Variants in PSPC1 observed in about 807,000 individuals in gnomAD.
PSPC1 encodes paraspeckle component 1.
In PSPC1, 14 loss-of-function variants were observed where a neutral mutation model predicts 51.6. The ratio of observed to expected loss-of-function variants is 0.27; its 90% confidence interval spans 0.18 to 0.42. The LOEUF (loss-of-function observed/expected upper bound fraction) is 0.42. Among genes scored for constraint, PSPC1 ranks in the 10% least tolerant of loss-of-function variants. The pLI, the probability that PSPC1 is intolerant of heterozygous loss-of-function variation, is 1.00. For missense variants in PSPC1, 406 were observed against 701.1 expected (o/e 0.58, Z 4.75); for synonymous variants, 193 against 231.9 (o/e 0.83, Z 1.53).
At chr13:19,760,065 TATTG>T (rs1887469224) in intron 2 of PSPC1, among the ~76,000 whole-genome samples, 1 of 152,142 alleles carries the variant, frequency 6.6e-6, no homozygotes, top group African/African-American at 2.4e-5. Context: ...CTGCTTCAGC[TATTG>T]ATTGATTTTT....
downstream of PSPC1, chr13:19,672,793 AAG>A (rs899886126): frequency 3.2e-5 from 8 of 252,976 alleles, no homozygotes; most frequent in South Asian, 3.1e-4. Flanking sequence ...TGAGACCTAA[AAG>A]AGAGTATTAA....
chr13:19,730,080 C>T (rs896679733), intron 6 of PSPC1, among the ~76,000 whole-genome samples, 159 bp downstream of exon 6: 2 of 152,048 alleles, frequency 1.3e-5, no homozygotes, highest in African/African-American at 4.8e-5. Flanking sequence ...TTTTACTTTA[C>T]CACCTATGAG....
chr13:19,746,506 CTTGAGGCCAGGAGT>C (rs2138082090), intron 4 of PSPC1, among the ~76,000 whole-genome samples: 1 of 152,196 alleles, frequency 6.6e-6, no homozygotes, highest in South Asian at 2.1e-4. Flanking sequence ...GGGCAGATCA[CTTGAGGCCAGGAGT>C]TTGAGGCCAG....
intron 4 of PSPC1, among the ~76,000 whole-genome samples, chr13:19,742,327 G>C (rs1885519976): frequency 6.6e-6 from 1 of 151,266 alleles, no homozygotes; most frequent in African/African-American, 2.4e-5. Context: ...AATTAAAATA[G>C]GTAGGCTGGC....
At chr13:19,736,450 G>A (rs922563514) in intron 5 of PSPC1, among the ~76,000 whole-genome samples, 38 of 152,126 alleles carry the variant, frequency 2.5e-4, no homozygotes, top group East Asian at 1.6e-3. Flanking sequence ...TTGGGAGGCC[G>A]AGGCGGGCGG....
At chr13:19,708,306 A>G (rs1199348150) in intron 7 of PSPC1, among the ~76,000 whole-genome samples, 9 of 152,238 alleles carry the variant, frequency 5.9e-5, no homozygotes, top group Non-Finnish European at 1.2e-4. Context: ...GTGCATGTTA[A>G]GTACATTGTT....
intron 2 of PSPC1, among the ~76,000 whole-genome samples, chr13:19,768,850 G>A (rs1888328827): frequency 6.6e-6 from 1 of 150,520 alleles, no homozygotes; most frequent in African/African-American, 2.5e-5. Flanking sequence ...AACACCAAGT[G>A]GCAACTGGGC....
At chr13:19,683,822 AT>A (rs1877554368) in intron 6 of PSPC1, among the ~76,000 whole-genome samples, 1 of 152,194 alleles carries the variant, frequency 6.6e-6, no homozygotes, top group African/African-American at 2.4e-5. Context: ...CAGGAAAAAA[AT>A]ATATATGTAT....
At chr13:19,762,720 T>C (rs1033194523) in intron 2 of PSPC1, among the ~76,000 whole-genome samples, 1 of 152,254 alleles carries the variant, frequency 6.6e-6, no homozygotes. Context: ...TATGGTTTCA[T>C]TGTACATACA....
At chr13:19,689,452 A>C (rs569608836) in intron 6 of PSPC1, among the ~76,000 whole-genome samples, 4 of 152,340 alleles carry the variant, frequency 2.6e-5, no homozygotes, top group African/African-American at 9.6e-5. Context: ...TTATGCTCCA[A>C]AAGTACTTAA....
chr13:19,733,740 G>C (rs1209402085), intron 5 of PSPC1, among the ~76,000 whole-genome samples: 1 of 150,136 alleles, frequency 6.7e-6, no homozygotes, highest in Non-Finnish European at 1.5e-5. Context: ...TGCAGCCTGG[G>C]TGACAGAGCA....
downstream of PSPC1, chr13:19,671,429 T>C (rs574536091): frequency 4.4e-6 from 3 of 685,550 alleles, no homozygotes; most frequent in Non-Finnish European, 7.5e-6. Flanking sequence ...TGATGCTAGG[T>C]GCACCCTCTC....
At chr13:19,671,432 A>G, downstream of PSPC1, 2 of 677,306 alleles carry the variant, frequency 3.0e-6, no homozygotes, top group Middle Eastern at 2.5e-4. Context: ...TGCTAGGTGC[A>G]CCCTCTCTCA....
chr13:19,687,807 T>C lies in PSPC1; in HGVS notation c.1159-9984A>G, dbSNP rs148081392. On this transcript the variant is annotated intron_variant and NMD_transcript_variant, in intron 6 of 7. Transcript: ENST00000471658. ...GCATCCCACTGCCAATCCCTAGGTA[T>C]ATAGTGACTGCAATCTGACTACTGT... Among the ~76,000 whole-genome samples the C allele has an allele frequency of 4.8e-3, 738 of 152,240 alleles. 7 individuals carry two copies. The highest frequency in any genetic ancestry group is 0.017 in the African/African-American group (714 of 41,546).
At chr13:19,690,377 A>T (rs1878408934) in intron 6 of PSPC1, among the ~76,000 whole-genome samples, 1 of 152,232 alleles carries the variant, frequency 6.6e-6, no homozygotes, top group African/African-American at 2.4e-5. Flanking sequence ...GACCCTTCTG[A>T]GCATTTCCTG....
At chr13:19,728,285 G>C (rs1883600090) in intron 6 of PSPC1, among the ~76,000 whole-genome samples, 1 of 152,072 alleles carries the variant, frequency 6.6e-6, no homozygotes, top group Non-Finnish European at 1.5e-5. Flanking sequence ...CTATTAGGAA[G>C]GCAAGAAGAG....
intron 5 of PSPC1, among the ~76,000 whole-genome samples, chr13:19,740,642 C>G (rs978190512): frequency 1.3e-5 from 2 of 152,108 alleles, no homozygotes; most frequent in Non-Finnish European, 2.9e-5. Flanking sequence ...TATTTCCTAA[C>G]TAGTATGATT....
At chr13:19,738,579 G>A (rs1057355028) in intron 5 of PSPC1, among the ~76,000 whole-genome samples, 2 of 152,118 alleles carry the variant, frequency 1.3e-5, no homozygotes, top group African/African-American at 2.4e-5. Context: ...CAATATAAAG[G>A]CTATGTAAAT....
intron 5 of PSPC1, among the ~76,000 whole-genome samples, chr13:19,740,200 G>A (rs758421833): frequency 3.9e-5 from 6 of 152,016 alleles, no homozygotes; most frequent in South Asian, 2.1e-4. Flanking sequence ...AAAATTAGCC[G>A]AGCATGGTGG....
Sources: gnomAD v4.1 joint callset for allele counts (sites outside exome capture counted in the v4.1 genomes callset) on GRCh38, gnomAD v4.1.1 for gene constraint, MANE v1.5 for transcripts, NCBI Gene and HGNC (gene_info 2026-07-23, HGNC 2026-07-21) for gene names.